NOSTRIN: variants seen among roughly 807,000 people sequenced by gnomAD.
NOSTRIN encodes BM247 homolog.
A neutral mutation model predicts 59.0 loss-of-function variants in NOSTRIN; 63 were observed. That is an observed-to-expected ratio of 1.07 (90% CI 0.87 to 1.32). The LOEUF is 1.32. NOSTRIN is among the 40% of genes most tolerant of loss of function. The probability of loss-of-function intolerance (pLI) is 0.00; values close to 1 mark genes in which losing one functional copy is unlikely to be tolerated. For synonymous variants in NOSTRIN, 200 were observed against 165.4 expected (o/e 1.21, Z -1.61); for missense variants, 512 against 473.1 (o/e 1.08, Z -0.76).
intron 2 of NOSTRIN, among the ~76,000 whole-genome samples, chr2:168,792,472 T>C (rs1247153631): frequency 6.6e-6 from 1 of 152,088 alleles, no homozygotes; most frequent in Non-Finnish European, 1.5e-5. Context: ...TTTTTTGAGA[T>C]GGAGTCCCGC....
At chr2:168,858,263 T>C (rs1258288154) in intron 12 of NOSTRIN, among the ~76,000 whole-genome samples, 1 of 152,242 alleles carries the variant, frequency 6.6e-6, no homozygotes, top group Non-Finnish European at 1.5e-5. Flanking sequence ...CCAATGTTTA[T>C]GATCTGGTGA....
intron 2 of NOSTRIN, chr2:168,818,244 C>T (rs1035436586): frequency 4.6e-6 from 2 of 437,198 alleles, no homozygotes; most frequent in Non-Finnish European, 9.3e-6. Context: ...GCCTCAGACT[C>T]CTGTGCTCGC....
At chr2:168,835,574 A>G (rs1687670867) in intron 7 of NOSTRIN, among the ~76,000 whole-genome samples, 1 of 152,158 alleles carries the variant, frequency 6.6e-6, no homozygotes, top group Admixed American at 6.5e-5. Context: ...GAAATCCTCT[A>G]AGATATTTGT....
At chr2:168,787,993 T>C (rs1193862148) in exon 2 of NOSTRIN, 1 of 151,882 alleles carries the variant, frequency 6.6e-6, no homozygotes, top group Non-Finnish European at 1.5e-5. Context: ...GAAATACCCA[T>C]GTTTGGGGGA....
chr2:168,838,789 C>CTTT (rs71003059), intron 7 of NOSTRIN, among the ~76,000 whole-genome samples: 1,889 of 136,278 alleles, frequency 0.014, 59 homozygotes, highest in African/African-American at 0.049. Flanking sequence ...AAAAAAAACT[C>CTTT]TTTTTTTTTT....
chr2:168,817,588 C>T (rs1276818043), intron 2 of NOSTRIN, among the ~76,000 whole-genome samples: 1 of 152,164 alleles, frequency 6.6e-6, no homozygotes, highest in Non-Finnish European at 1.5e-5. Context: ...CACAATACTC[C>T]CTGTCCTCCC....
At chr2:168,805,538 C>A (rs961282653) in intron 1 of NOSTRIN, among the ~76,000 whole-genome samples, 2 of 152,192 alleles carry the variant, frequency 1.3e-5, no homozygotes, top group African/African-American at 2.4e-5. Flanking sequence ...ATTAATAGCA[C>A]CTTCCTATCA....
intron 11 of NOSTRIN, 62 bp downstream of exon 11, chr2:168,855,522 C>A: frequency 1.1e-6 from 1 of 895,848 alleles, no homozygotes. Context: ...AGGTTTCATT[C>A]AGAGTTAGGA....
intron 8 of NOSTRIN, among the ~76,000 whole-genome samples, chr2:168,846,546 A>T (rs1163962783): frequency 1.3e-5 from 2 of 152,192 alleles, no homozygotes; most frequent in African/African-American, 4.8e-5. Context: ...ACATGTCAAA[A>T]TTAGTCTTAT....
intron 12 of NOSTRIN, 144 bp from the exon 13 acceptor site, chr2:168,859,368 C>T: frequency 2.0e-5 from 25 of 1,276,748 alleles, no homozygotes; most frequent in Middle Eastern, 4.0e-4. Context: ...TTTTTTTTTC[C>T]TTCGGCATTT....
intron 1 of NOSTRIN, among the ~76,000 whole-genome samples, chr2:168,805,327 T>C (rs894082728): frequency 1.3e-5 from 2 of 152,188 alleles, no homozygotes; most frequent in Non-Finnish European, 2.9e-5. Flanking sequence ...GAAAAAGATA[T>C]CTGTAAGATA....
intron 8 of NOSTRIN, among the ~76,000 whole-genome samples, chr2:168,843,946 C>T (rs987260339): frequency 1.3e-5 from 2 of 152,182 alleles, no homozygotes; most frequent in African/African-American, 2.4e-5. Context: ...TGTACGCAAT[C>T]TTCATATCCA....
At chr2:168,827,181 G>A (rs1236702918) in intron 3 of NOSTRIN, among the ~76,000 whole-genome samples, 1 of 152,124 alleles carries the variant, frequency 6.6e-6, no homozygotes, top group African/African-American at 2.4e-5. Flanking sequence ...TCTGTACCTG[G>A]GGTTTCTTGA....
chr2:168,804,174 C>T (rs1284163434), intron 1 of NOSTRIN, among the ~76,000 whole-genome samples: 2 of 152,268 alleles, frequency 1.3e-5, no homozygotes, highest in South Asian at 2.1e-4. Flanking sequence ...AGTCTTCAGA[C>T]GTGGAGAAAT....
chr2:168,864,777 G>A (rs1030656677), intron 15 of NOSTRIN, 57 bp from the exon 16 acceptor site: 25 of 1,594,086 alleles, frequency 1.6e-5, no homozygotes, highest in African/African-American at 5.4e-5. Context: ...CTTATCAATC[G>A]GGCTGAGGCA....
intron 2 of NOSTRIN, among the ~76,000 whole-genome samples, chr2:168,817,665 C>G (rs1686486212): frequency 6.6e-6 from 1 of 152,166 alleles, no homozygotes. Context: ...AGTTCTAGAG[C>G]TGCCATTGCT....
At chr2:168,840,257 G>A (rs984869086) in intron 7 of NOSTRIN, among the ~76,000 whole-genome samples, 20 of 152,156 alleles carry the variant, frequency 1.3e-4, no homozygotes, top group Non-Finnish European at 1.9e-4. Flanking sequence ...TCAGCTGGGC[G>A]CGGTGGCTCA....
At chr2:168,839,190 A>G (rs1011179975) in intron 7 of NOSTRIN, among the ~76,000 whole-genome samples, 1 of 152,110 alleles carries the variant, frequency 6.6e-6, no homozygotes, top group African/African-American at 2.4e-5. Context: ...GTGTGATCCA[A>G]CTTCACCAAA....
intron 1 of NOSTRIN, 119 bp from the exon 2 acceptor site, chr2:168,811,448 G>T: frequency 2.0e-6 from 1 of 493,342 alleles, no homozygotes. Context: ...GTAGCTGCAC[G>T]ATCCTTTATA....
Sources: allele counts gnomAD v4.1 joint callset (sites outside exome capture counted in the v4.1 genomes callset), GRCh38; gene constraint gnomAD v4.1.1; transcripts MANE v1.5; gene names NCBI Gene and HGNC (gene_info 2026-07-23, HGNC 2026-07-21).